Variants in PTPRT observed in about 807,000 individuals in gnomAD.
PTPRT encodes the protein receptor-type tyrosine-protein phosphatase T.
Under a neutral mutation model 176.8 loss-of-function variants are expected in PTPRT, and 56 were observed. The ratio of observed to expected loss-of-function variants is 0.32; its 90% confidence interval spans 0.26 to 0.40. The LOEUF is 0.40. Among genes scored for constraint, PTPRT ranks in the 10% least tolerant of loss-of-function variants. The probability of loss-of-function intolerance (pLI) is 1.00; values close to 1 mark genes in which losing one functional copy is unlikely to be tolerated. For missense variants in PTPRT, 1,540 were observed against 1,908.2 expected, an observed-to-expected ratio of 0.81 and a Z score of 3.60; for synonymous variants, 783 against 739.0, an observed-to-expected ratio of 1.06 and a Z score of -0.96.
At chr20:42,308,628 C>T (rs946201008) in intron 12 of PTPRT, among the ~76,000 whole-genome samples, 1 of 152,164 alleles carries the variant, frequency 6.6e-6, no homozygotes, top group Admixed American at 6.5e-5. Context: ...TTTACTCTCT[C>T]CCGATTTTTT....
chr20:42,893,702 TC>T (rs1210107921), intron 1 of PTPRT, among the ~76,000 whole-genome samples: 2 of 151,762 alleles, frequency 1.3e-5, no homozygotes, highest in Non-Finnish European at 2.9e-5. Context: ...TGAGTTCATG[TC>T]CTTTGTAGGG....
At chr20:42,757,396 G>T (rs963813556) in intron 5 of PTPRT, among the ~76,000 whole-genome samples, 1 of 152,174 alleles carries the variant, frequency 6.6e-6, no homozygotes, top group Non-Finnish European at 1.5e-5. Flanking sequence ...CACCCCACAG[G>T]CTCTGAGCCC....
At chr20:43,081,497 T>C (rs937650497) in intron 1 of PTPRT, among the ~76,000 whole-genome samples, 1 of 152,238 alleles carries the variant, frequency 6.6e-6, no homozygotes, top group Non-Finnish European at 1.5e-5. Context: ...CATATGCACC[T>C]TCTCTCTTTT....
chr20:43,054,965 G>T (rs543824854), intron 1 of PTPRT, among the ~76,000 whole-genome samples: 1 of 152,166 alleles, frequency 6.6e-6, no homozygotes, highest in Non-Finnish European at 1.5e-5. Context: ...CAAAGGTGTT[G>T]TTCATGATGA....
chr20:42,136,307 C>A (rs1195400660), intron 18 of PTPRT, among the ~76,000 whole-genome samples: 2 of 130,420 alleles, frequency 1.5e-5, no homozygotes, highest in African/African-American at 5.6e-5. Context: ...GCTGAAAAAC[C>A]ATTTCCTACA....
At chr20:43,095,509 T>C (rs1600709235) in intron 1 of PTPRT, among the ~76,000 whole-genome samples, 1 of 152,114 alleles carries the variant, frequency 6.6e-6, no homozygotes, top group East Asian at 1.9e-4. Flanking sequence ...TGGACATGTC[T>C]GCATGGCTCC....
chr20:42,605,713 C>T (rs2073864223), intron 7 of PTPRT, among the ~76,000 whole-genome samples: 1 of 152,208 alleles, frequency 6.6e-6, no homozygotes, highest in South Asian at 2.1e-4. Flanking sequence ...CCATTGGATG[C>T]TGCTGTGGGG....
At chr20:43,075,227 C>A (rs1197465400) in intron 1 of PTPRT, among the ~76,000 whole-genome samples, 1 of 152,154 alleles carries the variant, frequency 6.6e-6, no homozygotes, top group Non-Finnish European at 1.5e-5. Context: ...TGTTGAGCAT[C>A]CCCAAGCTGA....
chr20:42,682,973 C>T (rs1270639607), intron 6 of PTPRT, among the ~76,000 whole-genome samples: 6 of 152,196 alleles, frequency 3.9e-5, no homozygotes, highest in Admixed American at 6.5e-5. Context: ...AGAAATCAAA[C>T]GTTTTGAGAA....
chr20:42,274,710 C>T (rs1475778615), intron 13 of PTPRT, among the ~76,000 whole-genome samples: 1 of 151,998 alleles, frequency 6.6e-6, no homozygotes. Flanking sequence ...ACAGATGGCC[C>T]TGGAGCAGAC....
chr20:42,174,490 G>T (rs999665197), intron 16 of PTPRT, among the ~76,000 whole-genome samples: 1 of 152,168 alleles, frequency 6.6e-6, no homozygotes, highest in African/African-American at 2.4e-5. Flanking sequence ...GGTATTGATA[G>T]ATCCATGTGG....
intron 1 of PTPRT, among the ~76,000 whole-genome samples, chr20:42,965,902 T>C (rs1337527998): frequency 6.6e-6 from 1 of 152,238 alleles, no homozygotes; most frequent in Non-Finnish European, 1.5e-5. Flanking sequence ...AGGAAAATTC[T>C]ACAACAACAG....
intron 7 of PTPRT, among the ~76,000 whole-genome samples, chr20:42,583,346 C>T (rs1004100955): frequency 6.6e-6 from 1 of 152,190 alleles, no homozygotes; most frequent in Non-Finnish European, 1.5e-5. Context: ...CCTCACTGTT[C>T]TTCATTAACT....
intron 5 of PTPRT, 94 bp downstream of exon 5, chr20:42,771,341 A>G: frequency 8.9e-7 from 1 of 1,120,248 alleles, no homozygotes; most frequent in Non-Finnish European, 1.3e-6. Context: ...TCTTTGTTCA[A>G]TACACTTGTG....
intron 5 of PTPRT, among the ~76,000 whole-genome samples, chr20:42,767,178 A>T (rs1354643461): frequency 6.6e-6 from 1 of 152,112 alleles, no homozygotes; most frequent in African/African-American, 2.4e-5. Context: ...GTGATGGTTA[A>T]TTTTATGAGT....
intron 1 of PTPRT, among the ~76,000 whole-genome samples, chr20:42,896,001 C>T (rs1362188039): frequency 6.6e-6 from 1 of 152,168 alleles, no homozygotes; most frequent in Non-Finnish European, 1.5e-5. Flanking sequence ...TCTCTGGGAA[C>T]TGGAGGGAGG....
At chr20:42,487,178 A>T (rs1203059906) in intron 7 of PTPRT, among the ~76,000 whole-genome samples, 1 of 152,180 alleles carries the variant, frequency 6.6e-6, no homozygotes, top group Non-Finnish European at 1.5e-5. Flanking sequence ...TGTTCATTTT[A>T]ACTATTATGG....
intron 1 of PTPRT, among the ~76,000 whole-genome samples, chr20:43,178,440 C>G (rs1265826852): frequency 1.3e-5 from 2 of 152,142 alleles, no homozygotes; most frequent in African/African-American, 4.8e-5. Flanking sequence ...CTCCCCCATT[C>G]CAATACACAC....
intron 1 of PTPRT, among the ~76,000 whole-genome samples, chr20:43,106,658 C>CAAAA (rs1417314567): frequency 7.2e-5 from 1 of 13,846 alleles, no homozygotes; most frequent in African/African-American, 3.0e-4. Flanking sequence ...GACTCCATCT[C>CAAAA]AAAAAAAGAA....
Sources: gnomAD v4.1 joint callset for allele counts (sites outside exome capture counted in the v4.1 genomes callset) on GRCh38, gnomAD v4.1.1 for gene constraint, MANE v1.5 for transcripts, NCBI Gene and HGNC (gene_info 2026-07-23, HGNC 2026-07-21) for gene names.